Variants in SAG observed in about 807,000 individuals in gnomAD.
SAG encodes the protein S-antigen visual arrestin, also known as S-arrestin.
SAG carries 45 observed loss-of-function variants against 55.0 expected under a neutral mutation model. That is an observed-to-expected ratio of 0.82 (90% CI 0.64 to 1.05). The LOEUF (loss-of-function observed/expected upper bound fraction) is 1.05, where lower values mean the gene tolerates loss of function less well. Ranked by LOEUF, SAG falls within the 50% of genes least tolerant of loss-of-function variation. SAG has a pLI of 0.00. For synonymous variants in SAG, 189 were observed against 197.4 expected (o/e 0.96, Z 0.36); for missense variants, 455 against 512.1 (o/e 0.89, Z 1.08).
chr2:233,312,972 C>T (rs1179038950), intron 2 of SAG, among the ~76,000 whole-genome samples: 5 of 152,186 alleles, frequency 3.3e-5, no homozygotes, highest in East Asian at 1.9e-4. Flanking sequence ...ATGTCTTCTT[C>T]GGTTTTTATT....
intron 14 of SAG, chr2:233,345,121 C>T (rs1221402931): frequency 1.3e-5 from 2 of 152,188 alleles, no homozygotes; most frequent in Non-Finnish European, 2.9e-5. Context: ...CATCAAATCG[C>T]CGCTGTGCTC....
chr2:233,320,121 C>A, intron 4 of SAG: 1 of 422,442 alleles, frequency 2.4e-6, no homozygotes, highest in Non-Finnish European at 3.2e-6. Flanking sequence ...TGAGCCTTCT[C>A]AAGTTGGATT....
intron 2 of SAG, among the ~76,000 whole-genome samples, chr2:233,313,843 C>T (rs1183629443): frequency 6.8e-6 from 1 of 146,752 alleles, no homozygotes; most frequent in African/African-American, 2.5e-5. Context: ...GTTGGGATTA[C>T]AGGCATGAGC....
chr2:233,312,328 C>T (rs564303329), intron 2 of SAG, among the ~76,000 whole-genome samples: 1 of 152,284 alleles, frequency 6.6e-6, no homozygotes, highest in East Asian at 1.9e-4. Flanking sequence ...GGCTGCCTAA[C>T]TGGTTCTCCC....
At chr2:233,345,585 G>C in intron 14 of SAG, 1 of 151,952 alleles carries the variant, frequency 6.6e-6, no homozygotes, top group Non-Finnish European at 1.5e-5. Context: ...GCCAGGCATG[G>C]TGGTGGGTGC....
chr2:233,323,839 C>A (rs1165611694), intron 6 of SAG, among the ~76,000 whole-genome samples: 1 of 152,184 alleles, frequency 6.6e-6, no homozygotes, highest in Non-Finnish European at 1.5e-5. Flanking sequence ...CACACATTAA[C>A]CGAGAGCACC....
intron 4 of SAG, 85 bp from the exon 5 acceptor site, chr2:233,320,545 A>C: frequency 9.2e-7 from 1 of 1,089,088 alleles, no homozygotes; most frequent in Non-Finnish European, 1.3e-6. Flanking sequence ...AAAGGTTGAA[A>C]ACCCGTGTTC....
rs1701268012 is a variant in SAG, at chr2:233,346,846, C to T, written c.1152C>T (p.Arg384=). 3 of 1,612,612 alleles carry T rather than the reference C, an allele frequency of 1.9e-6. No homozygotes were observed. Among genetic ancestry groups the T allele is most frequent in the Non-Finnish European group, 2.5e-6 (3 of 1,179,246 alleles). ...ATTTAGTTTTTGAGGAGTTTGCTCGCCATAATCTGAAAGATGCAGGAGAAG... is the reference window on the plus strand; with the variant it reads ...ATTTAGTTTTTGAGGAGTTTGCTCGTCATAATCTGAAAGATGCAGGAGAAG... The part of the protein sequence containing the change: ...DANLVFEEFA[R]HNLKDAGEAE... The change falls in exon 16 of 16, where the codon CGC becomes CGT. Residue 384 remains arginine, a synonymous_variant. Transcript: ENST00000409110.
At position 233,340,751 on chromosome 2, in the gene SAG, T is replaced by TTGTG. The variant is rs3045566; in HGVS notation, c.1046+289_1046+292dup. 3.2e-4 allele frequency among the ~76,000 whole-genome samples: 48 copies of TTGTG among 151,382 alleles called. No homozygotes were observed. The highest frequency in any genetic ancestry group is 8.5e-4 in the African/African-American group (35 of 41,238). ...AACTGGCACACTCCATGCAGCCAGC[T>TTGTG]TGTGTGTGTGTGTGTGTGTTTGTGT... is the stretch of plus-strand genomic sequence containing the variant. On this transcript the variant is annotated intron_variant, in intron 13 of 15. Transcript: ENST00000409110. This position sits in a 1 kb window ranked among gnomAD's most constrained non-coding sequence, Gnocchi z 4.2.
At chr2:233,346,048 G>C (rs1030620903) in intron 14 of SAG, 8 of 156,250 alleles carry the variant, frequency 5.1e-5, no homozygotes, top group Non-Finnish European at 4.2e-5. Flanking sequence ...AGCTACTTGG[G>C]AGCCTGAGAC....
intron 2 of SAG, among the ~76,000 whole-genome samples, chr2:233,315,581 C>T (rs1327193080): frequency 6.6e-6 from 1 of 152,072 alleles, no homozygotes; most frequent in East Asian, 1.9e-4. Flanking sequence ...GGGTGAGCCA[C>T]CACACCCAGC....
chr2:233,340,273 C>T lies in SAG; in HGVS notation c.1023-182C>T, dbSNP rs530031109. Reference sequence around the variant, plus strand: ...TGCCCGGCCTTTTTAAACTAATCATCTTGAGAAAGAGATGAAGTCACAGGT... The same window carrying T: ...TGCCCGGCCTTTTTAAACTAATCATTTTGAGAAAGAGATGAAGTCACAGGT... On this transcript the variant is annotated intron_variant, in intron 12 of 15. Transcript: ENST00000409110. This position sits in a 1 kb window ranked among gnomAD's most constrained non-coding sequence, Gnocchi z 4.2. Among the ~76,000 whole-genome samples, 1 of 152,214 alleles carries T rather than the reference C, an allele frequency of 6.6e-6. No individual in the cohort carries two copies. The highest frequency in any genetic ancestry group is 2.1e-4 in the South Asian group (1 of 4,826).
At chr2:233,327,264 C>T (rs1172684301) in intron 7 of SAG, 67 bp downstream of exon 7, 9 of 1,321,270 alleles carry the variant, frequency 6.8e-6, no homozygotes, top group Admixed American at 1.7e-5. Flanking sequence ...ACGACCTCCA[C>T]CTTGTCTCTG....
intron 2 of SAG, among the ~76,000 whole-genome samples, chr2:233,312,399 T>A (rs541014516): frequency 7.9e-5 from 12 of 152,182 alleles, no homozygotes; most frequent in Non-Finnish European, 1.8e-4. Context: ...CTCCCTTCTA[T>A]AAAATGGGCT....
At chr2:233,328,705 A>C in intron 8 of SAG, 92 bp downstream of exon 8, 44 of 1,328,266 alleles carry the variant, frequency 3.3e-5, no homozygotes, top group Non-Finnish European at 4.3e-5. Flanking sequence ...CCTTAACTAC[A>C]TGGGTGCCTT....
rs892677896 is a variant in SAG at position 233,327,122 on chromosome 2, C to T, written c.437C>T (p.Ser146Phe). 6 of 1,613,302 alleles carry T rather than the reference C, an allele frequency of 3.7e-6. No individual in the cohort carries two copies. Among genetic ancestry groups the T allele is most frequent in the Admixed American group, 1.7e-5 (1 of 60,006 alleles). Residue 146 changes from serine (S) to phenylalanine (F), a missense_variant and splice_region_variant, in exon 7 of 16, where the codon TCC becomes TTC. By Grantham distance (155) the Ser-to-Phe change is radical. Transcript: ENST00000409110. ...LQPAPQDSGK[S>F]CGVDFEVKAF... ...CTGTCTGCTCTCTCTCCCCAACAGT[C>T]CTGTGGGGTTGACTTTGAGGTCAAA...
intron 3 of SAG, among the ~76,000 whole-genome samples, chr2:233,317,742 A>G (rs150118874): frequency 1.3e-5 from 2 of 152,338 alleles, no homozygotes; most frequent in African/African-American, 4.8e-5. Context: ...TTTATGGTAC[A>G]TCCATTCAAT....
At chr2:233,327,094 T>C in intron 6 of SAG, 27 bp from the exon 7 acceptor site, 3 of 1,601,708 alleles carry the variant, frequency 1.9e-6, no homozygotes, top group Non-Finnish European at 2.6e-6. Flanking sequence ...CGCTGATCGC[T>C]GCCTGTCTGC....
At chr2:233,323,569 G>A (rs1700451535) in intron 6 of SAG, among the ~76,000 whole-genome samples, 1 of 148,648 alleles carries the variant, frequency 6.7e-6, no homozygotes. Context: ...CTCCACATTG[G>A]TCAGGCTGGT....
Sources: allele counts gnomAD v4.1 joint callset (sites outside exome capture counted in the v4.1 genomes callset), GRCh38; gene constraint gnomAD v4.1.1; non-coding constraint Gnocchi (gnomAD v3.1); transcripts MANE v1.5; gene names NCBI Gene and HGNC (gene_info 2026-07-23, HGNC 2026-07-21).